Variants in LY9 observed in about 807,000 individuals in gnomAD.
LY9 encodes the protein T-lymphocyte surface antigen Ly-9.
Under a neutral mutation model 64.6 loss-of-function variants are expected in LY9, and 59 were observed. The ratio of observed to expected loss-of-function variants is 0.91; its 90% CI spans 0.74 to 1.13. The LOEUF is 1.13. Among genes scored for constraint, LY9 ranks in the 50% most tolerant of loss-of-function variants. The pLI is 0.00. For missense variants in LY9, 789 were observed against 797.2 expected (o/e 0.99, Z 0.12); for synonymous variants, 281 against 308.5 (o/e 0.91, Z 0.93).
chr1:160,826,553 G>A (rs1278124245), intron 9 of LY9, among the ~76,000 whole-genome samples: 1 of 152,222 alleles, frequency 6.6e-6, no homozygotes, highest in Non-Finnish European at 1.5e-5. Flanking sequence ...GCGTAAATGG[G>A]TTAAAGTTAC....
chr1:160,824,823 CA>C (rs35960859), intron 9 of LY9: 90,648 of 186,498 alleles, frequency 0.49, 25,437 homozygotes, highest in African/African-American at 0.74. Context: ...ACTAAAAATA[CA>C]AAAAAAATTA....
At position 160,823,739 on chromosome 1, in the gene LY9, G is replaced by C; in HGVS notation, c.1773G>C (p.Thr591=). The C allele has an allele frequency of 6.2e-7, 1 of 1,614,188 alleles. No individual in the cohort carries two copies. Among genetic ancestry groups the C allele is most frequent in the Non-Finnish European group, 8.5e-7 (1 of 1,180,016 alleles). ...ADYDPVTPYV[T]EVESVVGENT... is the part of the protein sequence containing the mutation. The stretch of plus-strand genomic sequence containing the variant: ...ATGATCCCGTCACTCCATATGTCAC[G>C]GAAGTTGAGTCTGTGGTTGGAGAGA... The change falls in exon 8 of 10, where the codon ACG becomes ACC. Residue 591 remains threonine, a synonymous_variant. Transcript: ENST00000263285.
chr1:160,801,837 C>T (rs753784816), intron 2 of LY9: 6 of 1,614,174 alleles, frequency 3.7e-6, no homozygotes, highest in South Asian at 1.1e-5. Context: ...GGGTGACCAC[C>T]GCACACTCCT....
rs191576768 is a variant in LY9, at chr1:160,812,381, C to T, written c.455-1255C>T. 175 of 152,312 alleles carry T rather than the reference C, an allele frequency of 1.1e-3. 2 individuals are homozygous for T. Among genetic ancestry groups the T allele is most frequent in the Admixed American group, 0.011 (174 of 15,298 alleles). The allele number at this position is 152,312 out of a possible 1,614,324, so 9.4% of individuals were successfully genotyped here. A position where few individuals can be genotyped will look rare whatever the true frequency, so the allele number is the denominator to read the frequency against. ...GTGCTAGAGGTTAAGACTTCAACAT[C>T]TAAACTTTGCAGAGACACAGTTTAG... On this transcript the variant is annotated intron_variant, in intron 2 of 9. Coordinates refer to ENST00000263285, the MANE Select transcript of LY9 (RefSeq NM_002348.4).
Position 160,816,713 on chromosome 1 carries a change from C to T in LY9, c.1192C>T (p.Pro398Ser), listed in dbSNP as rs755109796. Reference sequence around the variant, plus strand: ...AAACACTGTCATGTACACATGGACCCCGCTGCAGAAGGAAGCTGTTGTGTC... The same window carrying T: ...AAACACTGTCATGTACACATGGACCTCGCTGCAGAAGGAAGCTGTTGTGTC... ...GGNTVMYTWT[P>S]LQKEAVVSQG... The change falls in exon 5 of 10, where the codon CCG (proline) becomes TCG (serine). Residue 398 changes from proline to serine, a missense_variant. Coordinates refer to ENST00000263285, the MANE Select transcript of LY9 (RefSeq NM_002348.4). 1.9e-6 allele frequency: 3 copies of T among 1,614,226 alleles called. No homozygotes were observed. The highest frequency in any genetic ancestry group is 3.3e-5 in the Admixed American group (2 of 60,024).
At chr1:160,813,558 T>G in intron 2 of LY9, 78 bp from the exon 3 acceptor site, 1 of 1,457,512 alleles carries the variant, frequency 6.9e-7, no homozygotes, top group Non-Finnish European at 9.4e-7. Flanking sequence ...AACTCCCCTA[T>G]TGTCACTCCC....
At chr1:160,815,051 G>A in intron 4 of LY9, 1 of 404,158 alleles carries the variant, frequency 2.5e-6, no homozygotes, top group South Asian at 3.9e-5. Flanking sequence ...TGTCAGAAGG[G>A]ACTAGGAGGC....
Position 160,796,245 on chromosome 1 carries a change from C to G in LY9, c.58C>G (p.Pro20Ala), listed in dbSNP as rs1230562577. ...GGCTCCTGGGCCTTTCTCCAGTAAG[C>G]CACAGAGGAGTCAGCTGCAAATATT... is the stretch of plus-strand genomic sequence containing the variant. ...DWAPGPFSSKPQRSQLQIFSS... is the reference protein window; with the variant it reads ...DWAPGPFSSKAQRSQLQIFSS... Residue 20 changes from proline (P) to alanine (A), a missense_variant, in exon 1 of 10, where the codon CCA becomes GCA. Pro to Ala is a conservative substitution (Grantham distance 27, BLOSUM62 -1). Transcript: ENST00000263285. The G allele has an allele frequency of 1.2e-6, 2 of 1,614,050 alleles. No homozygotes were observed. Among genetic ancestry groups the G allele is most frequent in the Admixed American group, 3.3e-5 (2 of 60,026 alleles).
intron 2 of LY9, chr1:160,809,874 T>A (rs1206701217): frequency 6.6e-6 from 1 of 152,220 alleles, no homozygotes; most frequent in Non-Finnish European, 1.5e-5. Flanking sequence ...CATCTCTTCA[T>A]GTTTTATGTT....
At chr1:160,824,697 C>T in intron 9 of LY9, 2 of 979,188 alleles carry the variant, frequency 2.0e-6, no homozygotes, top group Non-Finnish European at 2.4e-6. Context: ...AAAAAAATCC[C>T]AGCCGGGCGC....
In LY9 at chr1:160,816,790, C is replaced by CA. The variant is rs1413892750; in HGVS notation, c.1271dup (p.Asn424LysfsTer20). On this transcript the variant is annotated frameshift_variant, in exon 5 of 10. Transcript: ENST00000263285. LOFTEE classifies it high-confidence loss of function. ...CATGGAGAAGCAGTGAAAATCACCC[C>CA]AACCTCACATGCACAGCCAGCAACC... 2 of 1,614,198 alleles carry CA rather than the reference C, an allele frequency of 1.2e-6. No homozygotes were observed. The highest frequency in any genetic ancestry group is 2.2e-5 in the South Asian group (2 of 91,086).
chr1:160,814,047 C>G, intron 3 of LY9, 136 bp downstream of exon 3: 1 of 910,516 alleles, frequency 1.1e-6, no homozygotes, highest in Non-Finnish European at 1.7e-6. Flanking sequence ...CCCTTATTCT[C>G]TACTCTCAGG....
intron 2 of LY9, among the ~76,000 whole-genome samples, chr1:160,806,556 C>T (rs1320967313): frequency 1.3e-5 from 2 of 152,160 alleles, no homozygotes; most frequent in African/African-American, 2.4e-5. Flanking sequence ...ATATATTATT[C>T]CATTTTCTTC....
chr1:160,827,496 A>G (rs998772696), intron 9 of LY9, among the ~76,000 whole-genome samples: 1 of 152,130 alleles, frequency 6.6e-6, no homozygotes, highest in Non-Finnish European at 1.5e-5. Context: ...TCATTTTTTT[A>G]TCCCCTGGAT....
chr1:160,811,863 T>C (rs1350084752), intron 2 of LY9: 1 of 152,228 alleles, frequency 6.6e-6, no homozygotes, highest in African/African-American at 2.4e-5. Flanking sequence ...TTCGTTAACA[T>C]TCATGTTTCT....
Position 160,816,596 on chromosome 1 carries a change from AG to A in LY9, c.1077del (p.Arg359SerfsTer2). 1 of 1,593,784 alleles carries A rather than the reference AG, an allele frequency of 6.3e-7. No homozygotes were observed. Among genetic ancestry groups the A allele is most frequent in the Non-Finnish European group, 8.6e-7 (1 of 1,168,754 alleles). ...MTHVTLLIYR[R>X]LRKPKITWSL... is the part of the protein sequence containing the mutation. ...GGAGTCTGCCTCTCTCCTCACAGGC[AG>A]GCTGAGGAAGCCCAAAATCACGTGG... On this transcript the variant is annotated frameshift_variant, in exon 5 of 10. Transcript: ENST00000263285. LOFTEE classifies it high-confidence loss of function.
chr1:160,808,293 T>C (rs1667174416), intron 2 of LY9, among the ~76,000 whole-genome samples: 1 of 152,156 alleles, frequency 6.6e-6, no homozygotes. Context: ...ATCCATACTC[T>C]AGTCTTGGCA....
intron 2 of LY9, among the ~76,000 whole-genome samples, chr1:160,805,104 T>C (rs977312668): frequency 6.6e-6 from 1 of 152,148 alleles, no homozygotes; most frequent in African/African-American, 2.4e-5. Flanking sequence ...TCATCGAGTT[T>C]TGCTCTGATA....
At chr1:160,797,324 A>G in intron 1 of LY9, 7 of 979,170 alleles carry the variant, frequency 7.1e-6, no homozygotes, top group Non-Finnish European at 8.5e-6. Context: ...TGGTGCCTGA[A>G]GGGAGCTTTA....
Sources: gnomAD v4.1 joint callset for allele counts (sites outside exome capture counted in the v4.1 genomes callset) on GRCh38, gnomAD v4.1.1 for gene constraint, MANE v1.5 for transcripts, NCBI Gene and HGNC (gene_info 2026-07-23, HGNC 2026-07-21) for gene names.